Variants in C3 observed in about 807,000 individuals in gnomAD.
C3 encodes the protein C3 and PZP-like alpha-2-macroglobulin domain-containing protein 1.
In C3, 97 loss-of-function variants were observed where a neutral mutation model predicts 207.9. That is an observed-to-expected ratio of 0.47 (90% CI 0.40 to 0.55). C3 has a LOEUF of 0.55. Ranked by LOEUF, C3 falls within the 20% of genes least tolerant of loss-of-function variation. C3 has a pLI of 0.00. For missense variants in C3, 1,684 were observed against 2,171.7 expected (o/e 0.78, Z 4.46); for synonymous variants, 848 against 857.6 (o/e 0.99, Z 0.20).
chr19:6,698,393 C>T (rs576546986), intron 19 of C3, among the ~76,000 whole-genome samples: 1 of 151,740 alleles, frequency 6.6e-6, no homozygotes, highest in Non-Finnish European at 1.5e-5. Flanking sequence ...AGAGAAATCT[C>T]CAAAATATAT....
intron 22 of C3, 38 bp from the exon 23 acceptor site, chr19:6,696,503 C>T: frequency 3.1e-6 from 5 of 1,594,154 alleles, no homozygotes; most frequent in Non-Finnish European, 4.3e-6. Context: ...GCTCTAGCTC[C>T]CTCCCGCCCT....
At position 6,714,189 on chromosome 19, in the gene C3, G is replaced by A. The variant is rs1327551887; in HGVS notation, c.659C>T (p.Thr220Ile). The A allele has an allele frequency of 3.7e-6, 6 of 1,613,610 alleles. No individual in the cohort carries two copies. Among genetic ancestry groups the A allele is most frequent in the Non-Finnish European group, 5.1e-6 (6 of 1,179,954 alleles). The change falls in exon 6 of 41, where the codon ACT becomes ATT. Residue 220 changes from threonine to isoleucine, a missense_variant. Coordinates refer to ENST00000245907, the MANE Select transcript of C3 (RefSeq NM_000064.4). ...ACCGTACTCCTTCACCTCAAACTCA[G>A]TGGAGAAGACCTGCTGTGGTGAGTT... ...YENSPQQVFS[T>I]EFEVKEYVLP... is the part of the protein sequence containing the mutation.
chr19:6,684,157 T>G, intron 33 of C3: 1 of 612,100 alleles, frequency 1.6e-6, no homozygotes, highest in Non-Finnish European at 2.9e-6. Flanking sequence ...CTTTCCTCCA[T>G]TGATTACTAA....
At position 6,694,455 on chromosome 19, in the gene C3, C is replaced by T; in HGVS notation, c.3130G>A (p.Gly1044Arg). 1 of 1,614,118 alleles carries T rather than the reference C, an allele frequency of 6.2e-7. No homozygotes were observed. Among genetic ancestry groups the T allele is most frequent in the Non-Finnish European group, 8.5e-7 (1 of 1,179,980 alleles). The change falls in exon 24 of 41, where the codon GGG (glycine) becomes AGG (arginine). Residue 1044 changes from glycine (G) to arginine (R), a missense_variant. This residue lies in a region of C3 where 1,280 missense variants were observed against 1,739.1 expected (regional missense o/e 0.74). Transcript: ENST00000245907. The part of the protein sequence containing the change: ...WEKFGLEKRQ[G>R]ALELIKKGYT... The stretch of plus-strand genomic sequence containing the variant: ...CCCTTCTTGATGAGCTCCAAGGCCC[C>T]CTGCCGCTTCTCTAGGCCGAACTTC...
intron 14 of C3, 26 bp from the exon 15 acceptor site, chr19:6,707,955 A>G: frequency 6.2e-7 from 1 of 1,612,446 alleles, no homozygotes; most frequent in South Asian, 1.1e-5. Flanking sequence ...GGGTGGCGGG[A>G]CGCAGGGAGG....
Position 6,708,505 on chromosome 19 carries a change from C to T in C3, c.1846-576G>A, listed in dbSNP as rs116215962. On this transcript the variant is annotated intron_variant, in intron 14 of 40. Transcript: ENST00000245907. The stretch of plus-strand genomic sequence containing the variant: ...TCCCTTCCTTCCTCTCCCTCCCTTC[C>T]TCCCTCCATTCCTCCTTTCCTCCTT... Among the ~76,000 whole-genome samples, 251 of 150,782 alleles carry T rather than the reference C, an allele frequency of 1.7e-3. 1 individual carries two copies. Among genetic ancestry groups the T allele is most frequent in the African/African-American group, 5.6e-3 (231 of 41,046 alleles).
chr19:6,696,103 G>C (rs186807282), intron 23 of C3, among the ~76,000 whole-genome samples: 2 of 151,126 alleles, frequency 1.3e-5, no homozygotes, highest in Non-Finnish European at 2.9e-5. Flanking sequence ...CCAGCTACTC[G>C]GGAGGCTGAG....
rs188908304 is a variant in C3, at chr19:6,702,197, G to A, written c.2370C>T (p.Leu790=). 1.9e-6 allele frequency: 3 copies of A among 1,597,198 alleles called. No individual in the cohort carries two copies. In the East Asian group the frequency reaches 6.7e-5, roughly 36 times the overall value. The change falls in exon 19 of 41, where the codon CTC becomes CTT. Residue 790 remains leucine, a synonymous_variant. Coordinates refer to ENST00000245907, the MANE Select transcript of C3 (RefSeq NM_000064.4). ...EPPKNGISTK[L]MNIFLKDSIT... ...TGGAGTCTTTCAAAAATATATTCAT[G>A]AGCTTCGTAGAGATTCTGGATGGAG...
chr19:6,686,937 G>A, intron 27 of C3, 35 bp from the exon 28 acceptor site: 1 of 1,609,924 alleles, frequency 6.2e-7, no homozygotes, highest in Non-Finnish European at 8.5e-7. Context: ...CCGGTCATGT[G>A]GGCATTGCTG....
At position 6,712,295 on chromosome 19, in the gene C3, T is replaced by C; in HGVS notation, c.1231A>G (p.Ile411Val). 2 of 1,614,088 alleles carry C rather than the reference T, an allele frequency of 1.2e-6. No homozygotes were observed. Among genetic ancestry groups the C allele is most frequent in the African/African-American group, 1.3e-5 (1 of 75,042 alleles). ...GGCTTCTGGCTGGGGTGTGTGTTGA[T>C]GCTGAGTTTGGCCACGCCATCTCCC... ...TQGDGVAKLS[I>V]NTHPSQKPLS... The change falls in exon 11 of 41, where the codon ATC becomes GTC. Residue 411 changes from isoleucine to valine, a missense_variant. Around this residue, in one of 3 missense-constraint regions of C3, gnomAD observed 1,280 missense variants for 1,739.1 expected, o/e 0.74. Coordinates refer to ENST00000245907, the MANE Select transcript of C3 (RefSeq NM_000064.4).
chr19:6,694,474 G>A lies in C3; in HGVS notation c.3111C>T (p.Phe1037=), dbSNP rs1918256687. 3.1e-6 allele frequency: 5 copies of A among 1,614,106 alleles called. No individual in the cohort carries two copies. Among genetic ancestry groups the A allele is most frequent in the South Asian group, 1.1e-5 (1 of 91,084 alleles). Residue 1037 remains phenylalanine, a synonymous_variant, in exon 24 of 41, where the codon TTC becomes TTT. Transcript: ENST00000245907. ...AGGCCCCCTGCCGCTTCTCTAGGCCGAACTTCTCCCACTGCTCCGTTTCAT... is the reference window on the plus strand; with the variant it reads ...AGGCCCCCTGCCGCTTCTCTAGGCCAAACTTCTCCCACTGCTCCGTTTCAT... ...YLDETEQWEK[F]GLEKRQGALE...
chr19:6,711,166 C>G lies in C3; in HGVS notation c.1300G>C (p.Ala434Pro). The change falls in exon 12 of 41, where the codon GCA becomes CCA. Residue 434 changes from alanine (A) to proline (P), a missense_variant. This residue lies in a region of C3 where 1,280 missense variants were observed against 1,739.1 expected (regional missense o/e 0.74). Coordinates refer to ENST00000245907, the MANE Select transcript of C3 (RefSeq NM_000064.4). Reference protein sequence around the residue: ...VRTKKQELSEAEQATRTMQAL... With the variant: ...VRTKKQELSEPEQATRTMQAL... ...TGCATGGTCCTGGTAGCCTGCTCTG[C>G]CTCCGAGAGCTCCTGCTTCTTCGTG... 6.2e-7 allele frequency: 1 copy of G among 1,613,696 alleles called. No individual in the cohort carries two copies. Among genetic ancestry groups the G allele is most frequent in the Non-Finnish European group, 8.5e-7 (1 of 1,179,992 alleles).
intron 24 of C3, among the ~76,000 whole-genome samples, chr19:6,693,756 G>A (rs938546397): frequency 6.6e-6 from 1 of 152,092 alleles, no homozygotes; most frequent in East Asian, 1.9e-4. Context: ...TCTCAGAGAG[G>A]GGGTGGAGTC....
intron 23 of C3, 91 bp downstream of exon 23, chr19:6,696,288 G>A: frequency 1.3e-6 from 1 of 754,434 alleles, no homozygotes; most frequent in Non-Finnish European, 2.4e-6. Flanking sequence ...GGAAGAGAAA[G>A]GTGCGGGTTA....
chr19:6,682,129 G>A lies in C3; in HGVS notation c.4260+13C>T. 6.2e-7 allele frequency: 1 copy of A among 1,611,958 alleles called. No homozygotes were observed. The highest frequency in any genetic ancestry group is 8.5e-7 in the Non-Finnish European group (1 of 1,178,074). On this transcript the variant is annotated intron_variant, in intron 34 of 40. Coordinates refer to ENST00000245907, the MANE Select transcript of C3 (RefSeq NM_000064.4). ...CTCCTTTCCACTTATCCCAGCTCCTGAGCCCTTCATACCTGCTTCAGGTCA... is the reference window on the plus strand; with the variant it reads ...CTCCTTTCCACTTATCCCAGCTCCTAAGCCCTTCATACCTGCTTCAGGTCA...
chr19:6,684,261 A>G, intron 33 of C3, 127 bp downstream of exon 33: 2 of 830,406 alleles, frequency 2.4e-6, no homozygotes, highest in Non-Finnish European at 4.2e-6. Context: ...CTCATGGTGG[A>G]TACTTAGAAC....
intron 26 of C3, among the ~76,000 whole-genome samples, chr19:6,691,997 CA>C (rs1285575537): frequency 0.011 from 1,029 of 95,370 alleles, 14 homozygotes; most frequent in African/African-American, 0.039. Context: ...CAAACACACA[CA>C]CACACACACA....
intron 4 of C3, among the ~76,000 whole-genome samples, chr19:6,715,616 T>G (rs986568855): frequency 1.3e-5 from 2 of 148,320 alleles, no homozygotes; most frequent in African/African-American, 5.0e-5. Flanking sequence ...CTGTTTTTTT[T>G]TTGTTTTTTT....
rs1968120651 is a variant in C3, at chr19:6,719,513, G to A, written c.75-110C>T. ...GTGTGCCCCAGCCTCTGGTCCTGGAGAGGATCCAGTGACTGCCGGCGCACT... is the reference window on the plus strand; with the variant it reads ...GTGTGCCCCAGCCTCTGGTCCTGGAAAGGATCCAGTGACTGCCGGCGCACT... On this transcript the variant is annotated intron_variant, in intron 1 of 40. Transcript: ENST00000245907. The surrounding 1 kb of genome is among the most constrained non-coding windows in gnomAD (Gnocchi z 5.4). 1 of 994,230 alleles carries A rather than the reference G, an allele frequency of 1.0e-6. No individual in the cohort carries two copies. Among genetic ancestry groups the A allele is most frequent in the African/African-American group, 1.6e-5 (1 of 62,684 alleles). The allele number at this position is 994,230 out of a possible 1,614,324, so 61.6% of individuals were successfully genotyped here.
Sources: allele counts gnomAD v4.1 joint callset (sites outside exome capture counted in the v4.1 genomes callset), GRCh38; gene constraint gnomAD v4.1.1; regional missense constraint gnomAD v4.1.1; non-coding constraint Gnocchi (gnomAD v3.1); transcripts MANE v1.5; gene names NCBI Gene and HGNC (gene_info 2026-07-23, HGNC 2026-07-21).